Variants in GPC5 observed in about 807,000 individuals in gnomAD.
The protein encoded by GPC5 is glypican 5, also known as glypican-5.
Under a neutral mutation model 53.9 loss-of-function variants are expected in GPC5, and 47 were observed. The observed-to-expected ratio is 0.87, with a 90% CI of 0.69 to 1.11. The LOEUF (loss-of-function observed/expected upper bound fraction) is 1.11, where lower values mean the gene tolerates loss of function less well. GPC5 is among the 50% of genes most tolerant of loss of function. The pLI is 0.00. For missense variants in GPC5, 748 were observed against 713.1 expected, an observed-to-expected ratio of 1.05 and a Z score of -0.56; for synonymous variants, 286 against 263.3, an observed-to-expected ratio of 1.09 and a Z score of -0.84.
chr13:91,478,903 G>A (rs4031748), intron 2 of GPC5, among the ~76,000 whole-genome samples: 33,514 of 61,902 alleles, frequency 0.54, 7,196 homozygotes, highest in African/African-American at 0.63. Flanking sequence ...ATATATATAT[G>A]CACATATATA....
At chr13:91,514,282 A>G (rs1253374077) in intron 2 of GPC5, among the ~76,000 whole-genome samples, 1 of 152,190 alleles carries the variant, frequency 6.6e-6, no homozygotes, top group Non-Finnish European at 1.5e-5. Flanking sequence ...TAAAAGATTC[A>G]GTTCATGAGT....
At chr13:91,867,711 A>G (rs1007127321) in intron 5 of GPC5, among the ~76,000 whole-genome samples, 3 of 152,230 alleles carry the variant, frequency 2.0e-5, no homozygotes, top group African/African-American at 2.4e-5. Context: ...AATAATGTAA[A>G]TTCACGAGGG....
intron 6 of GPC5, among the ~76,000 whole-genome samples, chr13:91,945,437 G>A (rs908007759): frequency 2.6e-5 from 4 of 152,172 alleles, no homozygotes; most frequent in Admixed American, 6.5e-5. Flanking sequence ...ATGTTGGAAT[G>A]TATAAGTGTT....
chr13:91,653,024 C>A (rs9589323), intron 2 of GPC5, among the ~76,000 whole-genome samples: 25,246 of 152,168 alleles, frequency 0.17, 2,345 homozygotes, highest in East Asian at 0.29. Flanking sequence ...TTAAGAATAT[C>A]TGAAGCATGA....
chr13:92,261,775 G>T (rs75128139), intron 7 of GPC5, among the ~76,000 whole-genome samples: 3,884 of 152,134 alleles, frequency 0.026, 192 homozygotes, highest in African/African-American at 0.089. Flanking sequence ...TTTAATAAAG[G>T]TTTGGAGAAC....
At chr13:92,432,711 T>A (rs1431584102) in intron 7 of GPC5, among the ~76,000 whole-genome samples, 1 of 151,960 alleles carries the variant, frequency 6.6e-6, no homozygotes, top group Non-Finnish European at 1.5e-5. Flanking sequence ...CAACCTAGTG[T>A]TTACTTTTTT....
At chr13:92,289,422 G>A (rs144126326) in intron 7 of GPC5, among the ~76,000 whole-genome samples, 10 of 151,808 alleles carry the variant, frequency 6.6e-5, no homozygotes, top group East Asian at 1.9e-4. Flanking sequence ...TCTCAATAAC[G>A]TGAATTAAGG....
chr13:91,438,426 C>T (rs972340192), intron 1 of GPC5, among the ~76,000 whole-genome samples: 2 of 152,218 alleles, frequency 1.3e-5, no homozygotes, highest in Non-Finnish European at 2.9e-5. Context: ...TGGAGGTCCA[C>T]TCCAGACCGT....
At chr13:92,605,751 G>A (rs978884281) in intron 7 of GPC5, among the ~76,000 whole-genome samples, 2 of 151,726 alleles carry the variant, frequency 1.3e-5, no homozygotes, top group Non-Finnish European at 2.9e-5. Flanking sequence ...CACCGCGCCC[G>A]GCTAACGTAT....
intron 7 of GPC5, among the ~76,000 whole-genome samples, chr13:92,172,476 T>G (rs926278000): frequency 6.6e-6 from 1 of 152,138 alleles, no homozygotes; most frequent in Non-Finnish European, 1.5e-5. Context: ...TTAAATTCAG[T>G]TTTGAGGGAT....
chr13:92,343,891 C>T (rs1466130952), intron 7 of GPC5, among the ~76,000 whole-genome samples: 2 of 152,092 alleles, frequency 1.3e-5, no homozygotes, highest in Non-Finnish European at 2.9e-5. Flanking sequence ...ATTATCCATT[C>T]CTATCTTCTC....
At chr13:91,723,399 C>T (rs2036514297) in intron 3 of GPC5, among the ~76,000 whole-genome samples, 1 of 151,716 alleles carries the variant, frequency 6.6e-6, no homozygotes, top group Non-Finnish European at 1.5e-5. Flanking sequence ...TGGTTTTGAT[C>T]TCCAATCTAT....
chr13:91,964,412 T>C (rs112780481), intron 6 of GPC5, among the ~76,000 whole-genome samples: 2,959 of 152,064 alleles, frequency 0.019, 90 homozygotes, highest in African/African-American at 0.067. Flanking sequence ...AGAGTGCTGA[T>C]TGGTCTGTTT....
chr13:91,941,471 A>T (rs1287501586), intron 6 of GPC5, among the ~76,000 whole-genome samples: 1 of 152,022 alleles, frequency 6.6e-6, no homozygotes, highest in Non-Finnish European at 1.5e-5. Flanking sequence ...TGCTTATTAA[A>T]TGTTCCTGGG....
At chr13:91,793,789 G>C (rs1221291245) in intron 5 of GPC5, among the ~76,000 whole-genome samples, 5 of 152,110 alleles carry the variant, frequency 3.3e-5, no homozygotes, top group Non-Finnish European at 7.3e-5. Flanking sequence ...ATGCAAGCAG[G>C]GGAAATGCCA....
chr13:91,762,386 T>A (rs2037431907), intron 5 of GPC5, among the ~76,000 whole-genome samples: 1 of 152,002 alleles, frequency 6.6e-6, no homozygotes, highest in Admixed American at 6.6e-5. Flanking sequence ...TTCCTGACCT[T>A]ACAGCATTCA....
At chr13:91,521,064 C>A (rs1481946978) in intron 2 of GPC5, among the ~76,000 whole-genome samples, 1 of 152,142 alleles carries the variant, frequency 6.6e-6, no homozygotes, top group Non-Finnish European at 1.5e-5. Context: ...AAGATCCCAA[C>A]TGAATTGTAT....
intron 7 of GPC5, among the ~76,000 whole-genome samples, chr13:92,381,920 TC>T (rs2043749981): frequency 7.5e-6 from 1 of 132,678 alleles, no homozygotes; most frequent in Non-Finnish European, 1.6e-5. Flanking sequence ...ATATATATAA[TC>T]ATATATATGA....
chr13:92,507,790 C>T (rs1594259664), intron 7 of GPC5, among the ~76,000 whole-genome samples: 1 of 151,946 alleles, frequency 6.6e-6, no homozygotes, highest in South Asian at 2.1e-4. Context: ...ATATATCCTG[C>T]ACAAGTGAAA....
Sources: allele counts gnomAD v4.1 joint callset (sites outside exome capture counted in the v4.1 genomes callset), GRCh38; gene constraint gnomAD v4.1.1; transcripts MANE v1.5; gene names NCBI Gene and HGNC (gene_info 2026-07-23, HGNC 2026-07-21).